The following RWDD1 variants were observed in gnomAD, a reference collection of about 807,000 sequenced individuals.
The protein encoded by RWDD1 is RWD domain-containing protein 1.
RWDD1 carries 17 observed loss-of-function variants against 31.6 expected under a neutral mutation model. The observed-to-expected ratio is 0.54, with a 90% CI of 0.37 to 0.81. The LOEUF is 0.81. Among genes scored for constraint, RWDD1 ranks in the 30% least tolerant of loss-of-function variants. The pLI, the probability that RWDD1 is intolerant of heterozygous loss-of-function variation, is 0.00. For missense variants in RWDD1, 204 were observed against 274.5 expected (o/e 0.74, Z 1.82); for synonymous variants, 78 against 94.2 (o/e 0.83, Z 0.99).
At chr6:116,573,938 T>G in intron 1 of RWDD1, 1 of 926,306 alleles carries the variant, frequency 1.1e-6, no homozygotes. Context: ...GGCACATAGA[T>G]TTAGCCTAAC....
At chr6:116,576,096 G>A (rs946402760) in intron 1 of RWDD1, among the ~76,000 whole-genome samples, 2 of 152,176 alleles carry the variant, frequency 1.3e-5, no homozygotes, top group Non-Finnish European at 2.9e-5. Flanking sequence ...TTTCTTTGCC[G>A]TACTTGCTTC....
At chr6:116,571,790 C>CTT (rs140789860) in intron 1 of RWDD1, 135 bp downstream of exon 1, 18,536 of 609,158 alleles carry the variant, frequency 0.03, 405 homozygotes, top group Middle Eastern at 0.081. Context: ...GCCCTCCACT[C>CTT]CTCAAGTTCT....
intron 1 of RWDD1, chr6:116,573,076 C>T: frequency 1.2e-6 from 1 of 852,520 alleles, no homozygotes; most frequent in Non-Finnish European, 1.4e-6. Flanking sequence ...TGGATATATT[C>T]TTAATCATGT....
At chr6:116,574,363 G>A (rs186891932) in intron 1 of RWDD1, among the ~76,000 whole-genome samples, 64 of 152,286 alleles carry the variant, frequency 4.2e-4, no homozygotes, top group Middle Eastern at 3.4e-3. Context: ...ACATTTGACA[G>A]TTATAATTGT....
intron 6 of RWDD1, 130 bp from the exon 7 acceptor site, chr6:116,592,850 G>C (rs1775169246): frequency 1.1e-6 from 1 of 922,804 alleles, no homozygotes; most frequent in African/African-American, 1.7e-5. Flanking sequence ...ACTGTAGTTT[G>C]GGATTTCATC....
Position 116,592,964 on chromosome 6 carries a change from T to G in RWDD1, c.611-16T>G, listed in dbSNP as rs75196338. ...ACTAAAGGAGATTTTTTTTTTTTTT[T>G]GGTTGCCTTTTGCAGCTGGAAACAA... On this transcript the variant is annotated splice_polypyrimidine_tract_variant and intron_variant, in intron 6 of 6. Transcript: ENST00000466444. The G allele has an allele frequency of 6.3e-7, 1 of 1,593,120 alleles. No homozygotes were observed. Among genetic ancestry groups the G allele is most frequent in the South Asian group, 1.1e-5 (1 of 87,470 alleles).
chr6:116,590,282 A>G lies in RWDD1; in HGVS notation c.425A>G (p.His142Arg). ...TTTTTATTTCCTAAGCAATTATTCC[A>G]TGGTACTCCAGTTACAATTGAGAAT... is the stretch of plus-strand genomic sequence containing the variant. Reference protein sequence around the residue: ...EAEEAEKQLFHGTPVTIENFL... With the variant: ...EAEEAEKQLFRGTPVTIENFL... Residue 142 changes from histidine (H) to arginine (R), a missense_variant, in exon 5 of 7, where the codon CAT becomes CGT. Physicochemically the swap from His to Arg is conservative, Grantham distance 29. Transcript: ENST00000466444. The G allele has an allele frequency of 1.9e-6, 3 of 1,549,842 alleles. No homozygotes were observed. The highest frequency in any genetic ancestry group is 2.6e-6 in the Non-Finnish European group (3 of 1,149,760).
chr6:116,595,777 C>T lies in RWDD1; in HGVS notation c.*2676C>T, dbSNP rs1017134592. The T allele has an allele frequency of 2.0e-5, 3 of 152,204 alleles. No individual in the cohort carries two copies. The highest frequency in any genetic ancestry group is 4.4e-5 in the Non-Finnish European group (3 of 68,032). 9.4% of individuals were successfully genotyped at this position (152,204 alleles called of 1,614,324 possible). A position where few individuals can be genotyped will look rare whatever the true frequency, so the allele number is the denominator to read the frequency against. ...TTCAAAGAAATGTTGTATTTGCCATCTACAACTTGGAATAATGTTCCTTGA... is the reference window on the plus strand; with the variant it reads ...TTCAAAGAAATGTTGTATTTGCCATTTACAACTTGGAATAATGTTCCTTGA... On this transcript the variant is annotated 3_prime_UTR_variant, in exon 7 of 7. Transcript: ENST00000466444.
intron 5 of RWDD1, 101 bp from the exon 6 acceptor site, chr6:116,590,787 T>A: frequency 6.9e-7 from 1 of 1,450,794 alleles, no homozygotes; most frequent in South Asian, 1.4e-5. Context: ...TTATTGAAAT[T>A]CACAGAAAAA....
At chr6:116,582,544 G>T (rs995615246) in intron 2 of RWDD1, among the ~76,000 whole-genome samples, 19 of 151,936 alleles carry the variant, frequency 1.3e-4, no homozygotes, top group Non-Finnish European at 2.8e-4. Context: ...ATTCTTAGCT[G>T]TAGTAATAAT....
intron 1 of RWDD1, among the ~76,000 whole-genome samples, chr6:116,572,103 T>C (rs1230331791): frequency 6.6e-6 from 1 of 152,040 alleles, no homozygotes; most frequent in Non-Finnish European, 1.5e-5. Context: ...TGTTTTCAGT[T>C]ACTCAAATCG....
chr6:116,584,991 A>G, intron 3 of RWDD1, 134 bp downstream of exon 3: 3 of 712,014 alleles, frequency 4.2e-6, no homozygotes, highest in Non-Finnish European at 6.8e-6. Flanking sequence ...ACATAATCAC[A>G]GAGCATCTTT....
At chr6:116,572,336 G>C (rs1288427550) in intron 1 of RWDD1, 3 of 152,288 alleles carry the variant, frequency 2.0e-5, no homozygotes. Context: ...TAAGTGGCTT[G>C]CTCTGTACTG....
chr6:116,575,644 C>A (rs1357598269), intron 1 of RWDD1, among the ~76,000 whole-genome samples: 1 of 152,174 alleles, frequency 6.6e-6, no homozygotes, highest in African/African-American at 2.4e-5. Context: ...TCATCTGTGA[C>A]AGAAAACCCC....
At chr6:116,578,577 A>G (rs1056809744) in intron 1 of RWDD1, among the ~76,000 whole-genome samples, 25 of 152,334 alleles carry the variant, frequency 1.6e-4, no homozygotes, top group African/African-American at 5.5e-4. Flanking sequence ...TTTACATTTC[A>G]TGACTTGTAA....
intron 1 of RWDD1, among the ~76,000 whole-genome samples, chr6:116,574,698 TTTC>T (rs1774805265): frequency 6.6e-6 from 1 of 151,550 alleles, no homozygotes; most frequent in Admixed American, 6.6e-5. Flanking sequence ...CTTCCTTCCT[TTTC>T]TTTCTTTCTT....
intron 1 of RWDD1, among the ~76,000 whole-genome samples, chr6:116,579,679 G>C (rs557672423): frequency 8.5e-5 from 13 of 152,204 alleles, no homozygotes; most frequent in Admixed American, 8.5e-4. Context: ...GTCTTGTCTT[G>C]CTTAGTAAAT....
At chr6:116,579,271 C>T (rs1240539160) in intron 1 of RWDD1, among the ~76,000 whole-genome samples, 1 of 152,162 alleles carries the variant, frequency 6.6e-6, no homozygotes, top group African/African-American at 2.4e-5. Context: ...TTCAGTAATC[C>T]ATTGCTCTTT....
At chr6:116,578,145 T>C (rs1034940267) in intron 1 of RWDD1, among the ~76,000 whole-genome samples, 2 of 152,238 alleles carry the variant, frequency 1.3e-5, no homozygotes, top group Non-Finnish European at 1.5e-5. Context: ...TTGGACAAAT[T>C]ATTTAAAAGC....
Sources: allele counts gnomAD v4.1 joint callset (sites outside exome capture counted in the v4.1 genomes callset), GRCh38; gene constraint gnomAD v4.1.1; transcripts MANE v1.5; gene names NCBI Gene and HGNC (gene_info 2026-07-23, HGNC 2026-07-21).